RSPO3: variants seen among roughly 807,000 people sequenced by gnomAD.
RSPO3 encodes the protein R-spondin-3.
In RSPO3, 17 loss-of-function variants were observed where a neutral mutation model predicts 36.5. The ratio of observed to expected loss-of-function variants is 0.47; its 90% CI spans 0.32 to 0.70. The LOEUF (loss-of-function observed/expected upper bound fraction) is 0.70. RSPO3 is among the 30% of genes least tolerant of loss of function. RSPO3 has a pLI of 0.04. For synonymous variants in RSPO3, 108 were observed against 107.0 expected (o/e 1.01, Z -0.06); for missense variants, 294 against 322.5 (o/e 0.91, Z 0.68).
intron 4 of RSPO3, among the ~76,000 whole-genome samples, chr6:127,173,612 G>A (rs190463955): frequency 6.6e-6 from 1 of 151,936 alleles, no homozygotes; most frequent in East Asian, 1.9e-4. Context: ...TCTCCTAAAT[G>A]CTGTGTGAAT....
At position 127,144,643 on chromosome 6, in the gene RSPO3, G is replaced by GTTTTTTTTTTTTTTTTTTTTTTT. The variant is rs56388820; in HGVS notation, c.98-3992_98-3991insTTTTTTTTTTTTTTTTTTTTTTT. Among the ~76,000 whole-genome samples, 17 of 99,120 alleles carry GTTTTTTTTTTTTTTTTTTTTTTT rather than the reference G, an allele frequency of 1.7e-4. 1 individual carries two copies. Among genetic ancestry groups the GTTTTTTTTTTTTTTTTTTTTTTT allele is most frequent in the African/African-American group, 3.3e-4 (8 of 24,108 alleles). The allele number at this position is 99,120 out of a possible 152,430, so 65.0% of individuals were successfully genotyped here. A position where few individuals can be genotyped will look rare whatever the true frequency, so the allele number is the denominator to read the frequency against. On this transcript the variant is annotated intron_variant, in intron 1 of 4. Transcript: ENST00000356698. ...TGTAATTTTTCAGTAGCTTCCCCTT[G>GTTTTTTTTTTTTTTTTTTTTTTT]TTTTTTTTTTTTTCAGACAGAGTCT...
intron 1 of RSPO3, among the ~76,000 whole-genome samples, chr6:127,143,244 G>C (rs1478514686): frequency 1.3e-5 from 2 of 152,198 alleles, no homozygotes; most frequent in Admixed American, 6.5e-5. Flanking sequence ...TGAATCTATA[G>C]AGGAAAAAAG....
At chr6:127,144,892 G>A (rs1582793422) in intron 1 of RSPO3, among the ~76,000 whole-genome samples, 1 of 151,940 alleles carries the variant, frequency 6.6e-6, no homozygotes, top group Non-Finnish European at 1.5e-5. Context: ...AAAATGCTGG[G>A]ATTAGAGGCG....
At chr6:127,161,317 T>C (rs1774706164) in intron 4 of RSPO3, among the ~76,000 whole-genome samples, 1 of 152,196 alleles carries the variant, frequency 6.6e-6, no homozygotes, top group African/African-American at 2.4e-5. Flanking sequence ...TTCTTGCCTC[T>C]AACACATTTT....
At chr6:127,164,572 T>A (rs1015376349) in intron 4 of RSPO3, among the ~76,000 whole-genome samples, 16 of 152,002 alleles carry the variant, frequency 1.1e-4, no homozygotes, top group African/African-American at 3.6e-4. Flanking sequence ...TTTAAATGAA[T>A]AGAAAAAATA....
intron 4 of RSPO3, among the ~76,000 whole-genome samples, chr6:127,172,780 G>T (rs1774966457): frequency 6.6e-6 from 1 of 151,122 alleles, no homozygotes; most frequent in Middle Eastern, 3.4e-3. Context: ...TATTATTATC[G>T]ACTGCATTTT....
At chr6:127,195,692 G>A (rs1220983789) in intron 4 of RSPO3, 131 bp from the exon 5 acceptor site, 3 of 615,210 alleles carry the variant, frequency 4.9e-6, no homozygotes, top group Non-Finnish European at 8.0e-6. Context: ...TTGAATGATT[G>A]AAATAGTAGA....
At position 127,195,854 on chromosome 6, in the gene RSPO3, A is replaced by C; in HGVS notation, c.666A>C (p.Lys222Asn). 3 of 1,582,108 alleles carry C rather than the reference A, an allele frequency of 1.9e-6. No individual in the cohort carries two copies. The highest frequency in any genetic ancestry group is 2.6e-6 in the Non-Finnish European group (3 of 1,164,980). The change falls in exon 5 of 5, where the codon AAA becomes AAC. Residue 222 changes from lysine to asparagine, a missense_variant. This residue lies in a region of RSPO3 where 190 missense variants were observed against 185.2 expected (regional missense o/e 1.03). Coordinates refer to ENST00000356698, the MANE Select transcript of RSPO3 (RefSeq NM_032784.5). ...GKKGRERKRK[K>N]PNKGESKEAI... Reference sequence around the variant, plus strand: ...AAGGAAGGGAGAGGAAAAGAAAAAAACCTAATAAAGGAGAAAGTAAAGAAG... The same window carrying C: ...AAGGAAGGGAGAGGAAAAGAAAAAACCCTAATAAAGGAGAAAGTAAAGAAG...
intron 1 of RSPO3, among the ~76,000 whole-genome samples, chr6:127,144,022 T>C (rs1774330487): frequency 6.6e-6 from 1 of 152,216 alleles, no homozygotes; most frequent in African/African-American, 2.4e-5. Context: ...GGTTATCAAA[T>C]AGTAGGAAGC....
intron 1 of RSPO3, among the ~76,000 whole-genome samples, chr6:127,137,351 A>G (rs2114560250): frequency 6.6e-6 from 1 of 152,258 alleles, no homozygotes; most frequent in South Asian, 2.1e-4. Context: ...AGTTGGTGCC[A>G]CTACACTCCA....
chr6:127,183,080 T>G (rs924455492), intron 4 of RSPO3, among the ~76,000 whole-genome samples: 1 of 151,996 alleles, frequency 6.6e-6, no homozygotes, highest in Non-Finnish European at 1.5e-5. Context: ...AAAAACTTTT[T>G]GGTAGACCAC....
chr6:127,190,157 C>A (rs1361578200), intron 4 of RSPO3, among the ~76,000 whole-genome samples: 1 of 152,132 alleles, frequency 6.6e-6, no homozygotes, highest in Non-Finnish European at 1.5e-5. Context: ...GGCACAGTGG[C>A]TCACACCTGT....
At chr6:127,191,343 A>C (rs556305524) in intron 4 of RSPO3, among the ~76,000 whole-genome samples, 2 of 152,222 alleles carry the variant, frequency 1.3e-5, no homozygotes, top group Non-Finnish European at 2.9e-5. Context: ...ACATCAAAAT[A>C]AACTGGGGGG....
At chr6:127,149,202 G>T (rs1220043555) in intron 2 of RSPO3, among the ~76,000 whole-genome samples, 1 of 152,064 alleles carries the variant, frequency 6.6e-6, no homozygotes, top group African/African-American at 2.4e-5. Context: ...TTGACTTCAA[G>T]AGAGATTCCA....
intron 4 of RSPO3, among the ~76,000 whole-genome samples, chr6:127,189,572 A>G (rs961973370): frequency 6.6e-6 from 1 of 152,150 alleles, no homozygotes; most frequent in Non-Finnish European, 1.5e-5. Context: ...TAAATTCCCA[A>G]AACAGCATGA....
At chr6:127,162,871 C>T (rs1774735542) in intron 4 of RSPO3, among the ~76,000 whole-genome samples, 1 of 152,272 alleles carries the variant, frequency 6.6e-6, no homozygotes, top group Non-Finnish European at 1.5e-5. Flanking sequence ...AACTTCTCTG[C>T]TTACATTTCA....
At chr6:127,119,538 C>T (rs1773794965) in intron 1 of RSPO3, among the ~76,000 whole-genome samples, 1 of 152,258 alleles carries the variant, frequency 6.6e-6, no homozygotes, top group Non-Finnish European at 1.5e-5. Context: ...GCTCCCGCCC[C>T]ATGGTAACTT....
At chr6:127,169,765 C>A (rs559544744) in intron 4 of RSPO3, among the ~76,000 whole-genome samples, 2 of 151,956 alleles carry the variant, frequency 1.3e-5, no homozygotes, top group Admixed American at 1.3e-4. Flanking sequence ...TTACCATGAA[C>A]TGTGTTGACG....
At chr6:127,129,051 T>C (rs1180163496) in intron 1 of RSPO3, among the ~76,000 whole-genome samples, 3 of 152,110 alleles carry the variant, frequency 2.0e-5, no homozygotes, top group African/African-American at 7.2e-5. Flanking sequence ...TCCTTGTTTT[T>C]AGGGAAAACT....
Sources: gnomAD v4.1 joint callset for allele counts (sites outside exome capture counted in the v4.1 genomes callset) on GRCh38, gnomAD v4.1.1 for gene constraint, gnomAD v4.1.1 regional missense constraint, MANE v1.5 for transcripts, NCBI Gene and HGNC (gene_info 2026-07-23, HGNC 2026-07-21) for gene names.